MYO5A: variants seen among roughly 807,000 people sequenced by gnomAD.
MYO5A encodes the protein unconventional myosin-Va.
In MYO5A, 98 loss-of-function variants were observed where a neutral mutation model predicts 249.7. The ratio of observed to expected loss-of-function variants is 0.39; its 90% CI spans 0.33 to 0.46. The LOEUF (loss-of-function observed/expected upper bound fraction) is 0.46. MYO5A is among the 20% of genes least tolerant of loss of function. The pLI, the probability that MYO5A is intolerant of heterozygous loss-of-function variation, is 0.98. For missense variants in MYO5A, 1,696 were observed against 2,308.8 expected (o/e 0.73, Z 5.44); for synonymous variants, 778 against 810.6 (o/e 0.96, Z 0.68).
chr15:52,475,632 C>T (rs1288598277), intron 1 of MYO5A, among the ~76,000 whole-genome samples: 1 of 152,196 alleles, frequency 6.6e-6, no homozygotes, highest in Admixed American at 6.5e-5. Flanking sequence ...TTTCTGCATT[C>T]ATTTTGTTAT....
At chr15:52,444,240 C>G (rs1163009413) in intron 1 of MYO5A, among the ~76,000 whole-genome samples, 1 of 152,084 alleles carries the variant, frequency 6.6e-6, no homozygotes, top group South Asian at 2.1e-4. Flanking sequence ...TTCTTAAGAA[C>G]AGTGTTAATA....
chr15:52,445,014 C>T (rs1018018278), intron 1 of MYO5A, among the ~76,000 whole-genome samples: 68 of 152,104 alleles, frequency 4.5e-4, no homozygotes, highest in African/African-American at 1.6e-3. Flanking sequence ...CAGGCAGCTC[C>T]CTTTGTGTTG....
intron 1 of MYO5A, among the ~76,000 whole-genome samples, chr15:52,524,268 A>C (rs1483424006): frequency 6.6e-6 from 1 of 152,228 alleles, no homozygotes; most frequent in Non-Finnish European, 1.5e-5. Flanking sequence ...TAAAATTAAA[A>C]ATAAGCCAGG....
At chr15:52,366,629 C>CAAAAAAAAAAAAAAAAA (rs60631867) in intron 23 of MYO5A, among the ~76,000 whole-genome samples, 1 of 74,564 alleles carries the variant, frequency 1.3e-5, no homozygotes, top group Non-Finnish European at 2.9e-5. Flanking sequence ...ATTGATTTAG[C>CAAAAAAAAAAAAAAAAA]AAAAAAAAAA....
intron 1 of MYO5A, chr15:52,505,214 C>G: frequency 1.3e-6 from 1 of 771,864 alleles, no homozygotes. Context: ...CTGAAAAGCC[C>G]CGCCGGCCTC....
chr15:52,320,540 G>A (rs1371727379), intron 38 of MYO5A, among the ~76,000 whole-genome samples: 4 of 152,180 alleles, frequency 2.6e-5, no homozygotes, highest in South Asian at 2.1e-4. Flanking sequence ...AGGGACATCT[G>A]AAGAAAACAT....
At chr15:52,413,332 T>C (rs1336471424) in intron 5 of MYO5A, among the ~76,000 whole-genome samples, 2 of 151,458 alleles carry the variant, frequency 1.3e-5, no homozygotes, top group Admixed American at 1.3e-4. Flanking sequence ...AGTTTCAGTG[T>C]GCTATTCCCA....
At chr15:52,341,838 A>G (rs1031194244) in intron 31 of MYO5A, among the ~76,000 whole-genome samples, 2 of 152,212 alleles carry the variant, frequency 1.3e-5, no homozygotes, top group African/African-American at 4.8e-5. Flanking sequence ...TTAAAGACAA[A>G]TATCACTAGA....
rs1219996397 is a variant in MYO5A at position 52,330,337 on chromosome 15, T to C, written c.4555+16A>G. 1 of 1,614,058 alleles carries C rather than the reference T, an allele frequency of 6.2e-7. No individual in the cohort carries two copies. Among genetic ancestry groups the C allele is most frequent in the African/African-American group, 1.3e-5 (1 of 75,032 alleles). ...TGTGCCAGAAGGAACTTTTATCCAA[T>C]GCAGAAAATACTTGCCCAGAATCAG... is the stretch of plus-strand genomic sequence containing the variant. On this transcript the variant is annotated intron_variant, in intron 35 of 41. Coordinates refer to ENST00000399233, the MANE Select transcript of MYO5A (RefSeq NM_001382347.1).
rs2140894941 is a variant in MYO5A, at chr15:52,309,163, T to C, written c.*4533A>G. 6.6e-6 allele frequency: 1 copy of C among 152,438 alleles called. No homozygotes were observed. Among genetic ancestry groups the C allele is most frequent in the South Asian group, 2.1e-4 (1 of 4,828 alleles). The allele number at this position is 152,438 out of a possible 1,614,324, so 9.4% of individuals were successfully genotyped here. On this transcript the variant is annotated 3_prime_UTR_variant, in exon 42 of 42. Transcript: ENST00000399233. ...CTGATGGGTGTGGGGAGAGTAACTT[T>C]CCTCTTAATTTCAGAGAGGCTTTTG...
intron 1 of MYO5A, among the ~76,000 whole-genome samples, chr15:52,522,466 G>A (rs1193872038): frequency 6.6e-6 from 1 of 152,180 alleles, no homozygotes; most frequent in African/African-American, 2.4e-5. Flanking sequence ...ATGCCTTCAG[G>A]TGAGGTGGAA....
intron 32 of MYO5A, 131 bp downstream of exon 32, chr15:52,340,065 G>T: frequency 1.1e-6 from 1 of 906,260 alleles, no homozygotes. Context: ...TGTCTCTGCT[G>T]GAGTAAGAGG....
At chr15:52,463,141 C>A (rs1238560407) in intron 1 of MYO5A, among the ~76,000 whole-genome samples, 2 of 152,166 alleles carry the variant, frequency 1.3e-5, no homozygotes, top group Non-Finnish European at 2.9e-5. Context: ...GGTACTCCAA[C>A]TGTATACGCT....
Position 52,433,266 on chromosome 15 carries a change from G to C in MYO5A, c.47C>G (p.Pro16Arg), listed in dbSNP as rs1285512768. ...TGACTTCCAGACTTCCTCTGGATCA[G>C]GTATCCAAACCCTGGCAAACTAGAA... ...LYTKFARVWI[P>R]DPEEVWKSAE... is the part of the protein sequence containing the mutation. The change falls in exon 2 of 42, where the codon CCT becomes CGT. Residue 16 changes from proline (P) to arginine (R), a missense_variant. Transcript: ENST00000399233. 1.2e-6 allele frequency: 2 copies of C among 1,613,234 alleles called. No individual in the cohort carries two copies. The highest frequency in any genetic ancestry group is 2.2e-5 in the South Asian group (2 of 91,038).
At chr15:52,332,647 T>C (rs888244657) in intron 34 of MYO5A, among the ~76,000 whole-genome samples, 2 of 152,088 alleles carry the variant, frequency 1.3e-5, no homozygotes, top group African/African-American at 4.8e-5. Context: ...CTTGATTGAT[T>C]TTGCAATATT....
At chr15:52,438,338 T>C (rs116930369) in intron 1 of MYO5A, among the ~76,000 whole-genome samples, 1 of 152,030 alleles carries the variant, frequency 6.6e-6, no homozygotes, top group Non-Finnish European at 1.5e-5. Flanking sequence ...TGGGACACAG[T>C]GTGAGTCGGG....
chr15:52,431,109 G>C (rs868165986), intron 2 of MYO5A, among the ~76,000 whole-genome samples: 3 of 151,252 alleles, frequency 2.0e-5, no homozygotes, highest in African/African-American at 7.3e-5. Flanking sequence ...GCATGCGCCT[G>C]TAATCCCAGC....
At chr15:52,410,887 T>C (rs2043218781) in intron 5 of MYO5A, among the ~76,000 whole-genome samples, 1 of 152,232 alleles carries the variant, frequency 6.6e-6, no homozygotes, top group African/African-American at 2.4e-5. Context: ...AAACTGATTC[T>C]TTTAAGAACA....
rs370319779 is a variant in MYO5A at position 52,411,585 on chromosome 15, T to C, written c.613-1109A>G. 7.9e-5 allele frequency among the ~76,000 whole-genome samples: 12 copies of C among 151,512 alleles called. No individual in the cohort carries two copies. The East Asian group carries it at 1.7e-3, about 22-fold the overall frequency. On this transcript the variant is annotated intron_variant, in intron 5 of 41. Coordinates refer to ENST00000399233, the MANE Select transcript of MYO5A (RefSeq NM_001382347.1). ...GAAAACCAAGTGTTTACATAATGCA[T>C]ATATTAAATGTTTAATAAGCAAATT... is the stretch of plus-strand genomic sequence containing the variant.
Sources: allele counts gnomAD v4.1 joint callset (sites outside exome capture counted in the v4.1 genomes callset), GRCh38; gene constraint gnomAD v4.1.1; transcripts MANE v1.5; gene names NCBI Gene and HGNC (gene_info 2026-07-23, HGNC 2026-07-21).